The following GRID1 variants were observed in gnomAD, a reference collection of about 807,000 sequenced individuals.
GRID1 encodes the protein glutamate ionotropic receptor delta type subunit 1.
Under a neutral mutation model 98.0 loss-of-function variants are expected in GRID1, and 28 were observed. That is an observed-to-expected ratio of 0.29 (90% confidence interval 0.21 to 0.39). The LOEUF (loss-of-function observed/expected upper bound fraction) is 0.39, where lower values mean the gene tolerates loss of function less well. Among genes scored for constraint, GRID1 ranks in the 10% least tolerant of loss-of-function variants. The probability of loss-of-function intolerance (pLI) is 1.00; values close to 1 mark genes in which losing one functional copy is unlikely to be tolerated. For synonymous variants in GRID1, 553 were observed against 538.5 expected, an observed-to-expected ratio of 1.03 and a Z score of -0.37; for missense variants, 1,111 against 1,340.5, an observed-to-expected ratio of 0.83 and a Z score of 2.67.
intron 4 of GRID1, among the ~76,000 whole-genome samples, chr10:85,982,587 C>T (rs1209923326): frequency 3.3e-5 from 5 of 152,090 alleles, no homozygotes; most frequent in South Asian, 4.1e-4. Context: ...GAGCCCAGCC[C>T]GTGGCAGCTC....
intron 13 of GRID1, among the ~76,000 whole-genome samples, chr10:85,635,402 G>A (rs1241875412): frequency 1.3e-5 from 2 of 152,192 alleles, no homozygotes; most frequent in Non-Finnish European, 2.9e-5. Context: ...GCCCAGGGCA[G>A]AGGACCCCCT....
chr10:85,642,019 G>A (rs987817472), intron 13 of GRID1, among the ~76,000 whole-genome samples: 2 of 152,214 alleles, frequency 1.3e-5, no homozygotes, highest in African/African-American at 2.4e-5. Context: ...AATGGTGCCT[G>A]TGTGCTATGA....
At chr10:86,310,998 G>A (rs969028384) in intron 2 of GRID1, among the ~76,000 whole-genome samples, 3 of 152,186 alleles carry the variant, frequency 2.0e-5, no homozygotes, top group Non-Finnish European at 2.9e-5. Context: ...GATGGAGGAG[G>A]AGCAGAGTGA....
chr10:85,669,570 A>C (rs1413435777), intron 12 of GRID1, among the ~76,000 whole-genome samples: 2 of 151,912 alleles, frequency 1.3e-5, no homozygotes, highest in Non-Finnish European at 2.9e-5. Flanking sequence ...CTCCGGACCC[A>C]TTTTTCATCC....
Position 86,274,971 on chromosome 10 carries a change from G to C in GRID1, c.236-68323C>G, listed in dbSNP as rs889116816. ...ATGTTGAATAGGAGTGGTGAGAGAG[G>C]GCATCCCTGTCTTGTAGGCACACTA... On this transcript the variant is annotated intron_variant, in intron 2 of 15. Coordinates refer to ENST00000327946, the MANE Select transcript of GRID1 (RefSeq NM_017551.3). Among the ~76,000 whole-genome samples, 3 of 152,130 alleles carry C rather than the reference G, an allele frequency of 2.0e-5. No individual in the cohort carries two copies. In the South Asian group the frequency reaches 6.2e-4, roughly 32 times the overall value.
At chr10:85,745,631 G>A (rs1191541622) in intron 8 of GRID1, among the ~76,000 whole-genome samples, 6 of 137,280 alleles carry the variant, frequency 4.4e-5, no homozygotes, top group Admixed American at 2.2e-4. Flanking sequence ...TAGATGACAC[G>A]TTAGTGGGTG....
At chr10:85,756,547 G>A (rs997668132) in intron 8 of GRID1, among the ~76,000 whole-genome samples, 2 of 152,206 alleles carry the variant, frequency 1.3e-5, no homozygotes, top group African/African-American at 4.8e-5. Context: ...ATTATCTACA[G>A]TGTGAATACG....
chr10:85,614,640 C>A (rs1842768531), intron 14 of GRID1, among the ~76,000 whole-genome samples: 1 of 152,010 alleles, frequency 6.6e-6, no homozygotes, highest in Admixed American at 6.5e-5. Context: ...GCACTTAGCA[C>A]ATTTAAGAAG....
At chr10:85,922,679 CT>C (rs1364250000) in intron 4 of GRID1, among the ~76,000 whole-genome samples, 3 of 152,196 alleles carry the variant, frequency 2.0e-5, no homozygotes, top group Admixed American at 1.3e-4. Context: ...AATGTCACCC[CT>C]CCAAAGCATG....
intron 2 of GRID1, among the ~76,000 whole-genome samples, chr10:86,336,586 G>A (rs532398968): frequency 1.3e-5 from 2 of 152,240 alleles, no homozygotes; most frequent in South Asian, 2.1e-4. Flanking sequence ...TACCCCTGCC[G>A]TCCTCTGGGT....
At chr10:86,294,890 G>C (rs1291924868) in intron 2 of GRID1, among the ~76,000 whole-genome samples, 1 of 152,194 alleles carries the variant, frequency 6.6e-6, no homozygotes, top group East Asian at 1.9e-4. Context: ...GCCCAGCAAT[G>C]GGACTAGGAA....
At chr10:85,741,840 C>T (rs1218218438) in intron 8 of GRID1, among the ~76,000 whole-genome samples, 2 of 151,988 alleles carry the variant, frequency 1.3e-5, no homozygotes, top group Non-Finnish European at 2.9e-5. Context: ...CCGACACTGG[C>T]CACCTTTCAC....
At chr10:85,899,365 C>A (rs936280400) in intron 5 of GRID1, among the ~76,000 whole-genome samples, 11 of 152,312 alleles carry the variant, frequency 7.2e-5, no homozygotes, top group African/African-American at 2.6e-4. Context: ...AATAGCGCTG[C>A]AATCCACATG....
At chr10:85,846,578 A>C (rs1165821952) in intron 8 of GRID1, among the ~76,000 whole-genome samples, 2 of 152,186 alleles carry the variant, frequency 1.3e-5, no homozygotes, top group Non-Finnish European at 2.9e-5. Context: ...GGCAGACAGA[A>C]AAAAAATACA....
At position 85,977,523 on chromosome 10, in the gene GRID1, A is replaced by G. The variant is rs866387252; in HGVS notation, c.727-61284T>C. On this transcript the variant is annotated intron_variant, in intron 4 of 15. Transcript: ENST00000327946. ...GAACTCTGGAGAAGAAAAAAATATG[A>G]AAAACAAGGGCATATTCATAGCTAT... Among the ~76,000 whole-genome samples the G allele has an allele frequency of 5.9e-5, 9 of 152,210 alleles. 1 individual carries two copies. The highest frequency in any genetic ancestry group is 5.9e-5 in the Non-Finnish European group (4 of 68,030).
At chr10:85,755,129 T>C (rs756237482) in intron 8 of GRID1, among the ~76,000 whole-genome samples, 1 of 152,086 alleles carries the variant, frequency 6.6e-6, no homozygotes, top group South Asian at 2.1e-4. Flanking sequence ...CCCTTTTTCA[T>C]AGGCTAGTAG....
intron 2 of GRID1, among the ~76,000 whole-genome samples, chr10:86,255,417 G>C (rs1316788): frequency 1.3e-5 from 2 of 152,028 alleles, no homozygotes; most frequent in African/African-American, 2.4e-5. Context: ...TTAGAGAAGC[G>C]CACTAAGGCC....
chr10:86,158,464 G>C (rs1845276690), intron 3 of GRID1, among the ~76,000 whole-genome samples: 1 of 152,162 alleles, frequency 6.6e-6, no homozygotes, highest in African/African-American at 2.4e-5. Flanking sequence ...ACCTGTCCTG[G>C]TTTTCACCAG....
intron 4 of GRID1, among the ~76,000 whole-genome samples, chr10:85,931,589 A>G (rs750874191): frequency 6.6e-6 from 1 of 152,062 alleles, no homozygotes; most frequent in Non-Finnish European, 1.5e-5. Flanking sequence ...GTTCTTTTTC[A>G]TAGCAACCTG....
Sources: gnomAD v4.1 joint callset for allele counts (sites outside exome capture counted in the v4.1 genomes callset) on GRCh38, gnomAD v4.1.1 for gene constraint, MANE v1.5 for transcripts, NCBI Gene and HGNC (gene_info 2026-07-23, HGNC 2026-07-21) for gene names.